GALNT13: variants seen among roughly 807,000 people sequenced by gnomAD.
GALNT13 encodes the protein UDP-GalNAc:polypeptide N-acetylgalactosaminyltransferase 13.
In GALNT13, 28 loss-of-function variants were observed where a neutral mutation model predicts 64.2. That is an observed-to-expected ratio of 0.44 (90% confidence interval 0.32 to 0.60). GALNT13 has a LOEUF of 0.60. Ranked by LOEUF, GALNT13 falls within the 20% of genes least tolerant of loss-of-function variation. The probability of loss-of-function intolerance (pLI) is 0.05; values close to 1 mark genes in which losing one functional copy is unlikely to be tolerated. For synonymous variants in GALNT13, 214 were observed against 224.6 expected (o/e 0.95, Z 0.42); for missense variants, 577 against 669.8 (o/e 0.86, Z 1.53).
At chr2:153,626,850 T>C in the GALNT13 span, among the ~76,000 whole-genome samples, 1 of 152,056 alleles carries the variant, frequency 6.6e-6, no homozygotes, top group Admixed American at 6.6e-5. Context: ...TATAGCCAAT[T>C]TTTGCTGAGC....
intron 9 of GALNT13, among the ~76,000 whole-genome samples, chr2:154,342,539 T>A (rs903707273): frequency 1.4e-5 from 2 of 147,770 alleles, no homozygotes; most frequent in African/African-American, 2.4e-5. Context: ...AATGATTTTT[T>A]AAAATCAAAT....
chr2:153,954,639 A>C (rs1384346858), intron 3 of GALNT13, among the ~76,000 whole-genome samples: 1 of 150,810 alleles, frequency 6.6e-6, no homozygotes, highest in East Asian at 1.9e-4. Context: ...ATAAATAATG[A>C]AAAATTATTA....
chr2:153,764,820 G>A, the GALNT13 span, among the ~76,000 whole-genome samples: 1 of 152,186 alleles, frequency 6.6e-6, no homozygotes, highest in Non-Finnish European at 1.5e-5. Context: ...GCAGCCCAGG[G>A]ACTTGGTGCC....
the GALNT13 span, chr2:153,421,209 G>T: frequency 1.1e-5 from 2 of 185,670 alleles, no homozygotes. Flanking sequence ...CCAAAGAGAA[G>T]AGGATGCAGG....
the GALNT13 span, among the ~76,000 whole-genome samples, chr2:153,780,238 T>TATATATATATATATATGC: frequency 1.3e-4 from 2 of 15,098 alleles, no homozygotes; most frequent in Non-Finnish European, 4.2e-4. Flanking sequence ...TATATATATA[T>TATATATATATATATATGC]ATATATATAT....
chr2:153,073,602 CT>C, the GALNT13 span, among the ~76,000 whole-genome samples: 1 of 151,938 alleles, frequency 6.6e-6, no homozygotes, highest in Non-Finnish European at 1.5e-5. Context: ...TCCAGATATT[CT>C]ATCAGTTTAT....
chr2:153,617,880 T>C, the GALNT13 span, among the ~76,000 whole-genome samples: 713 of 152,090 alleles, frequency 4.7e-3, 4 homozygotes, highest in African/African-American at 0.016. Flanking sequence ...ACTTTGAATT[T>C]CTGTGATATC....
At chr2:153,736,860 A>T in the GALNT13 span, among the ~76,000 whole-genome samples, 1 of 151,770 alleles carries the variant, frequency 6.6e-6, no homozygotes, top group Non-Finnish European at 1.5e-5. Context: ...ACCACCACCC[A>T]CCCCTGCCAA....
chr2:153,523,776 C>G, the GALNT13 span, among the ~76,000 whole-genome samples: 1 of 152,082 alleles, frequency 6.6e-6, no homozygotes, highest in African/African-American at 2.4e-5. Flanking sequence ...TTCTTCCTTT[C>G]TAATCTGAAT....
chr2:153,770,936 C>A, the GALNT13 span, among the ~76,000 whole-genome samples: 1 of 152,200 alleles, frequency 6.6e-6, no homozygotes, highest in Non-Finnish European at 1.5e-5. Flanking sequence ...GGAAGACCTA[C>A]ATTGCCCTAA....
At chr2:153,251,725 G>T in the GALNT13 span, among the ~76,000 whole-genome samples, 3 of 149,820 alleles carry the variant, frequency 2.0e-5, no homozygotes, top group Non-Finnish European at 3.0e-5. Flanking sequence ...GCGGTGTTTG[G>T]TTTTTTGTTC....
intron 3 of GALNT13, among the ~76,000 whole-genome samples, chr2:154,121,896 G>A (rs1681965696): frequency 6.6e-6 from 1 of 152,068 alleles, no homozygotes; most frequent in African/African-American, 2.4e-5. Flanking sequence ...ACTAGAAGTG[G>A]TAGGAGAGGA....
chr2:154,319,229 GAAC>G (rs1694490432), intron 9 of GALNT13, among the ~76,000 whole-genome samples: 1 of 152,132 alleles, frequency 6.6e-6, no homozygotes, highest in Admixed American at 6.6e-5. Context: ...GCGGACATTT[GAAC>G]AACAGGAGCT....
At chr2:153,642,981 A>G in the GALNT13 span, among the ~76,000 whole-genome samples, 1 of 151,636 alleles carries the variant, frequency 6.6e-6, no homozygotes, top group Non-Finnish European at 1.5e-5. Context: ...TAAAAAAGAA[A>G]ACAAAAATCA....
the GALNT13 span, among the ~76,000 whole-genome samples, chr2:153,410,168 C>T: frequency 3.9e-5 from 6 of 152,142 alleles, no homozygotes; most frequent in Non-Finnish European, 5.9e-5. Context: ...TCACTGTAGT[C>T]TCTACCTCCT....
chr2:153,143,216 A>G, the GALNT13 span, among the ~76,000 whole-genome samples: 2 of 151,996 alleles, frequency 1.3e-5, no homozygotes, highest in African/African-American at 4.8e-5. Flanking sequence ...CGATATGTCA[A>G]GCATAAGGCA....
chr2:153,135,910 C>G, the GALNT13 span, among the ~76,000 whole-genome samples: 1 of 151,768 alleles, frequency 6.6e-6, no homozygotes, highest in African/African-American at 2.4e-5. Context: ...ATAACCCTCA[C>G]AAAAAAATAA....
the GALNT13 span, among the ~76,000 whole-genome samples, chr2:153,833,082 C>T: frequency 1.3e-5 from 2 of 152,250 alleles, no homozygotes; most frequent in African/African-American, 2.4e-5. Context: ...TGTCCCTCTC[C>T]ATCTTGTTCA....
At chr2:153,876,254 G>A (rs1295795227) in intron 1 of GALNT13, among the ~76,000 whole-genome samples, 1 of 149,728 alleles carries the variant, frequency 6.7e-6, no homozygotes, top group East Asian at 2.0e-4. Flanking sequence ...CAGTGGCTAA[G>A]CATATGTTTG....
Sources: allele counts gnomAD v4.1 joint callset (sites outside exome capture counted in the v4.1 genomes callset), GRCh38; gene constraint gnomAD v4.1.1; transcripts MANE v1.5; gene names NCBI Gene and HGNC (gene_info 2026-07-23, HGNC 2026-07-21).